Variants in DAAM1 observed in about 807,000 individuals in gnomAD.
DAAM1 encodes the protein dishevelled associated activator of morphogenesis 1.
A neutral mutation model predicts 130.0 loss-of-function variants in DAAM1; 52 were observed. The observed-to-expected ratio is 0.40, with a 90% CI of 0.32 to 0.50. The LOEUF is 0.50. Ranked by LOEUF, DAAM1 falls within the 20% of genes least tolerant of loss-of-function variation. The pLI, the probability that DAAM1 is intolerant of heterozygous loss-of-function variation, is 0.61. For missense variants in DAAM1, 1,134 were observed against 1,303.8 expected (o/e 0.87, Z 2.01); for synonymous variants, 452 against 444.5 (o/e 1.02, Z -0.21).
intron 2 of DAAM1, among the ~76,000 whole-genome samples, chr14:59,273,265 T>C (rs1031800643): frequency 6.6e-6 from 1 of 152,240 alleles, no homozygotes. Context: ...CCAAATGTCC[T>C]TTCCTACAGG....
chr14:59,263,714 G>C lies in DAAM1; in HGVS notation c.183+54G>C, dbSNP rs1227340121. 3.1e-6 allele frequency: 5 copies of C among 1,609,872 alleles called. No individual in the cohort carries two copies. In the Admixed American group the frequency reaches 6.7e-5, roughly 22 times the overall value. Reference sequence around the variant, plus strand: ...GGTGGGGAGCCAGAGAAGGAGAAGAGGAGAGGATGTGAATGAGTTGGTTTG... The same window carrying C: ...GGTGGGGAGCCAGAGAAGGAGAAGACGAGAGGATGTGAATGAGTTGGTTTG... On this transcript the variant is annotated intron_variant, in intron 2 of 24. Transcript: ENST00000360909.
At chr14:59,292,566 A>C (rs527329557) in intron 3 of DAAM1, among the ~76,000 whole-genome samples, 2 of 152,212 alleles carry the variant, frequency 1.3e-5, no homozygotes. Context: ...CCAGCATCTG[A>C]TACTTTGAAA....
intron 1 of DAAM1, among the ~76,000 whole-genome samples, chr14:59,220,048 G>T (rs1477498295): frequency 6.6e-6 from 1 of 152,030 alleles, no homozygotes; most frequent in Non-Finnish European, 1.5e-5. Context: ...GGCATCCATT[G>T]CCTGTCACTG....
intron 1 of DAAM1, among the ~76,000 whole-genome samples, chr14:59,224,880 T>C (rs1049377815): frequency 2.0e-5 from 3 of 152,208 alleles, no homozygotes; most frequent in Non-Finnish European, 2.9e-5. Context: ...CTCCTTCCAC[T>C]GTGTGAGGGA....
At chr14:59,334,676 T>A (rs1885558128) in intron 15 of DAAM1, among the ~76,000 whole-genome samples, 1 of 152,324 alleles carries the variant, frequency 6.6e-6, no homozygotes, top group East Asian at 1.9e-4. Context: ...TTAGGGGATA[T>A]ATACAAACAT....
chr14:59,363,627 C>G (rs1428393984), intron 22 of DAAM1, 24 bp from the exon 23 acceptor site: 1 of 1,613,648 alleles, frequency 6.2e-7, no homozygotes, highest in Admixed American at 1.7e-5. Context: ...CCTGCATTGA[C>G]ATTATTCATT....
chr14:59,262,191 A>T (rs1442736449), intron 1 of DAAM1, among the ~76,000 whole-genome samples: 1 of 151,362 alleles, frequency 6.6e-6, no homozygotes, highest in Non-Finnish European at 1.5e-5. Context: ...ATCTTATTCC[A>T]CTCTCAGAAG....
chr14:59,196,081 T>G (rs1312229224), intron 1 of DAAM1, among the ~76,000 whole-genome samples: 1 of 152,214 alleles, frequency 6.6e-6, no homozygotes, highest in African/African-American at 2.4e-5. Context: ...TGTCCTCCTG[T>G]GAAGATTAGG....
chr14:59,288,619 G>T, intron 2 of DAAM1, among the ~76,000 whole-genome samples: 1 of 152,058 alleles, frequency 6.6e-6, no homozygotes, highest in East Asian at 1.9e-4. Flanking sequence ...TGAAAAGAAG[G>T]CATGCATGCA....
At chr14:59,211,565 C>G (rs1888426901) in intron 1 of DAAM1, among the ~76,000 whole-genome samples, 1 of 152,142 alleles carries the variant, frequency 6.6e-6, no homozygotes, top group Non-Finnish European at 1.5e-5. Flanking sequence ...GAATATTTCT[C>G]CCCAGTTGAT....
chr14:59,347,036 A>C (rs1385876432), intron 16 of DAAM1, among the ~76,000 whole-genome samples: 2 of 152,332 alleles, frequency 1.3e-5, no homozygotes, highest in Non-Finnish European at 2.9e-5. Context: ...TATTAAAAAA[A>C]AGCCTTAACT....
chr14:59,326,195 G>T, intron 10 of DAAM1, 118 bp downstream of exon 10: 2 of 974,590 alleles, frequency 2.1e-6, no homozygotes, highest in South Asian at 1.6e-5. Flanking sequence ...CCAAGCCTTG[G>T]TTTTATGACA....
rs1885795897 is a variant in DAAM1 at position 59,340,272 on chromosome 14, A to G, written c.2075+92A>G. ...ATGTTAGTGATTTTGTTTTAATTGT[A>G]CTCTGCTGAGGTACAGTTCTTTGGA... On this transcript the variant is annotated intron_variant, in intron 16 of 24. Coordinates refer to ENST00000360909, the MANE Select transcript of DAAM1 (RefSeq NM_001270520.2). The G allele has an allele frequency of 2.4e-6, 3 of 1,226,606 alleles. No individual in the cohort carries two copies. In the Admixed American group the frequency reaches 5.6e-5, roughly 23 times the overall value. The allele number at this position is 1,226,606 out of a possible 1,614,324, so 76.0% of individuals were successfully genotyped here.
intron 1 of DAAM1, among the ~76,000 whole-genome samples, chr14:59,236,706 G>A (rs1889313279): frequency 6.6e-6 from 1 of 152,090 alleles, no homozygotes; most frequent in African/African-American, 2.4e-5. Context: ...TGTGACCTCT[G>A]TGATGACTCA....
intron 1 of DAAM1, among the ~76,000 whole-genome samples, chr14:59,251,613 C>T (rs999265609): frequency 6.6e-6 from 1 of 152,080 alleles, no homozygotes; most frequent in East Asian, 1.9e-4. Flanking sequence ...CAACTTAATG[C>T]CTTTAATCAT....
chr14:59,285,697 A>G (rs1358122611), intron 2 of DAAM1, among the ~76,000 whole-genome samples: 1 of 152,228 alleles, frequency 6.6e-6, no homozygotes, highest in Non-Finnish European at 1.5e-5. Flanking sequence ...ATAATGATAA[A>G]GGGCCCAAGC....
chr14:59,248,742 A>T lies in DAAM1; in HGVS notation c.-37-14699A>T, dbSNP rs1326377707. On this transcript the variant is annotated intron_variant, in intron 1 of 24. Transcript: ENST00000360909. ...TAGGGCAAGCAGGTTTAAAGTGCAGATTAAAAGGAAACTCCTTTGTTTTCC... is the reference window on the plus strand; with the variant it reads ...TAGGGCAAGCAGGTTTAAAGTGCAGTTTAAAAGGAAACTCCTTTGTTTTCC... Among the ~76,000 whole-genome samples the T allele has an allele frequency of 2.0e-5, 3 of 152,138 alleles. No individual in the cohort carries two copies. The South Asian group carries it at 6.2e-4, about 32-fold the overall frequency.
In DAAM1 at chr14:59,343,841, C is replaced by T. The variant is rs1315781473; in HGVS notation, c.2075+3661C>T. Among the ~76,000 whole-genome samples the T allele has an allele frequency of 2.6e-5, 4 of 152,202 alleles. No homozygotes were observed. The East Asian group carries it at 7.7e-4, about 29-fold the overall frequency. ...TTCGAAGCTCTCAGAAAGAGATGGC[C>T]TAAAAGGTGTGCATTTGAATGGGGA... On this transcript the variant is annotated intron_variant, in intron 16 of 24. Coordinates refer to ENST00000360909, the MANE Select transcript of DAAM1 (RefSeq NM_001270520.2).
At chr14:59,359,786 G>A (rs1000543486) in intron 21 of DAAM1, among the ~76,000 whole-genome samples, 1 of 152,216 alleles carries the variant, frequency 6.6e-6, no homozygotes, top group Non-Finnish European at 1.5e-5. Flanking sequence ...AAATAAAGAT[G>A]CATGGCTAAG....
Sources: gnomAD v4.1 joint callset for allele counts (sites outside exome capture counted in the v4.1 genomes callset) on GRCh38, gnomAD v4.1.1 for gene constraint, MANE v1.5 for transcripts, NCBI Gene and HGNC (gene_info 2026-07-23, HGNC 2026-07-21) for gene names.